The following MID1 variants were observed in gnomAD, a reference collection of about 807,000 sequenced individuals.
The protein encoded by MID1 is E3 ubiquitin-protein ligase Midline-1.
MID1 carries 7 observed loss-of-function variants against 40.4 expected under a neutral mutation model. The observed-to-expected ratio is 0.17, with a 90% CI of 0.10 to 0.33. The LOEUF (loss-of-function observed/expected upper bound fraction) is 0.33, where lower values mean the gene tolerates loss of function less well. MID1 is among the 10% of genes least tolerant of loss of function. MID1 has a pLI of 1.00. For missense variants in MID1, 367 were observed against 558.5 expected (o/e 0.66, Z 3.46); for synonymous variants, 229 against 221.2 (o/e 1.04, Z -0.31).
intron 1 of MID1, among the ~76,000 whole-genome samples, chrX:10,577,346 T>C (rs1417602139): frequency 8.9e-6 from 1 of 111,892 alleles, no homozygotes; most frequent in Non-Finnish European, 1.9e-5. Context: ...ACTGAGCACA[T>C]GATCACATTA....
At chrX:10,457,714 T>C (rs1024522895) in intron 8 of MID1, among the ~76,000 whole-genome samples, 23 of 112,528 alleles carry the variant, frequency 2.0e-4, no homozygotes, top group Admixed American at 2.0e-3. Context: ...AACTCCCTGG[T>C]GTGGCCCAGG....
intron 1 of MID1, among the ~76,000 whole-genome samples, chrX:10,718,816 G>A (rs1035825676): frequency 1.4e-4 from 16 of 111,574 alleles, no homozygotes; most frequent in African/African-American, 3.9e-4. Flanking sequence ...CTGGCAAACC[G>A]AATCCAGCAG....
At chrX:10,585,646 G>A (rs1171851926) in intron 1 of MID1, among the ~76,000 whole-genome samples, 1 of 111,007 alleles carries the variant, frequency 9.0e-6, no homozygotes, top group Admixed American at 9.6e-5. Context: ...GGATTAAGGG[G>A]GTTGGTTATT....
At chrX:10,580,717 C>G (rs765574686) in intron 1 of MID1, among the ~76,000 whole-genome samples, 66 of 109,453 alleles carry the variant, frequency 6.0e-4, no homozygotes, top group Middle Eastern at 4.7e-3. Flanking sequence ...TTTCTCTTTT[C>G]TATGTTTTGC....
intron 1 of MID1, among the ~76,000 whole-genome samples, chrX:10,791,113 T>C (rs1277209155): frequency 8.9e-6 from 1 of 112,791 alleles, no homozygotes; most frequent in Non-Finnish European, 1.9e-5. Context: ...ACAGCATATA[T>C]GAAGGAAAAT....
At chrX:10,594,688 T>C (rs757085773) in intron 1 of MID1, among the ~76,000 whole-genome samples, 5 of 111,871 alleles carry the variant, frequency 4.5e-5, no homozygotes, top group Admixed American at 1.9e-4. Flanking sequence ...GTGTGTGAAG[T>C]TGTCCTTCCA....
intron 2 of MID1, among the ~76,000 whole-genome samples, chrX:10,558,434 A>G (rs1388348294): frequency 8.9e-6 from 1 of 112,938 alleles, no homozygotes; most frequent in South Asian, 3.6e-4. Context: ...CACTCGTCTA[A>G]TGCATCAATT....
At chrX:10,648,843 A>G (rs1193689032) in intron 1 of MID1, among the ~76,000 whole-genome samples, 1 of 111,271 alleles carries the variant, frequency 9.0e-6, no homozygotes, top group East Asian at 2.8e-4. Context: ...GTTGCACATG[A>G]TCCTCTGCCT....
intron 1 of MID1, among the ~76,000 whole-genome samples, chrX:10,644,652 C>A (rs931622650): frequency 9.0e-6 from 1 of 111,274 alleles, no homozygotes; most frequent in Non-Finnish European, 1.9e-5. Flanking sequence ...ATTGTGAATT[C>A]TCTGGACTTG....
At chrX:10,526,364 G>T (rs952931502) in intron 2 of MID1, among the ~76,000 whole-genome samples, 9 of 110,939 alleles carry the variant, frequency 8.1e-5, no homozygotes, top group African/African-American at 3.0e-4. Context: ...AATCGCAACT[G>T]CTAATCACTT....
intron 1 of MID1, among the ~76,000 whole-genome samples, chrX:10,641,891 T>C (rs191873265): frequency 0.013 from 1,474 of 111,649 alleles, 10 homozygotes; most frequent in Non-Finnish European, 0.02. Flanking sequence ...TAATCCATCA[T>C]ATAAACAGAA....
intron 1 of MID1, among the ~76,000 whole-genome samples, chrX:10,610,286 C>T (rs1312848962): frequency 8.9e-6 from 1 of 112,132 alleles, no homozygotes; most frequent in Non-Finnish European, 1.9e-5. Context: ...CCCTTTGGCC[C>T]AGCAATCCCA....
At chrX:10,626,302 C>T (rs1935994840) in intron 1 of MID1, among the ~76,000 whole-genome samples, 1 of 102,010 alleles carries the variant, frequency 9.8e-6, no homozygotes, top group African/African-American at 3.8e-5. Context: ...TATAGGTGAT[C>T]ATATGAAACT....
intron 1 of MID1, among the ~76,000 whole-genome samples, chrX:10,608,241 T>C (rs1425393604): frequency 1.8e-5 from 2 of 112,074 alleles, no homozygotes; most frequent in Non-Finnish European, 3.8e-5. Context: ...GACCCAGCAA[T>C]TGCACTCCTG....
intron 1 of MID1, among the ~76,000 whole-genome samples, chrX:10,801,103 C>A (rs191323744): frequency 0.012 from 1,136 of 97,631 alleles, 22 homozygotes; most frequent in African/African-American, 0.04. Context: ...GACTCAGATT[C>A]AAAAAAAAAA....
In MID1 at chrX:10,534,054, G is replaced by A. The variant is rs144840866; in HGVS notation, c.661-10867C>T. Among the ~76,000 whole-genome samples, 7 of 110,483 alleles carry A rather than the reference G, an allele frequency of 6.3e-5. No individual in the cohort carries two copies. The East Asian group carries it at 1.4e-3, about 22-fold the overall frequency. On this transcript the variant is annotated intron_variant, in intron 2 of 9. Transcript: ENST00000317552. ...ATACACCTTAAAAGGCAGGCAGGGA[G>A]GGTGTAGAGCACTAGATAATTAATG...
At chrX:10,666,649 G>C (rs188245040) in intron 1 of MID1, among the ~76,000 whole-genome samples, 3 of 111,679 alleles carry the variant, frequency 2.7e-5, no homozygotes, top group Non-Finnish European at 5.6e-5. Context: ...ACAATTAAAG[G>C]GGGTGTGGGG....
chrX:10,607,280 T>C (rs1252321399), intron 1 of MID1, among the ~76,000 whole-genome samples: 1 of 111,729 alleles, frequency 9.0e-6, no homozygotes, highest in South Asian at 3.8e-4. Flanking sequence ...TCTACCCCAG[T>C]GATTCTCAAA....
intron 1 of MID1, among the ~76,000 whole-genome samples, chrX:10,712,485 T>C (rs5979348): frequency 0.12 from 12,940 of 110,496 alleles, 1,353 homozygotes; most frequent in African/African-American, 0.33. Flanking sequence ...CCCTCCTAAG[T>C]GCTGGCAGGT....
Sources: gnomAD v4.1 joint callset for allele counts (sites outside exome capture counted in the v4.1 genomes callset) on GRCh38, gnomAD v4.1.1 for gene constraint, MANE v1.5 for transcripts, NCBI Gene and HGNC (gene_info 2026-07-23, HGNC 2026-07-21) for gene names.